LRMDA: variants seen among roughly 807,000 people sequenced by gnomAD.
The protein encoded by LRMDA is leucine rich melanocyte differentiation associated, also known as leucine-rich melanocyte differentiation-associated protein.
A neutral mutation model predicts 29.8 loss-of-function variants in LRMDA; 18 were observed. That is an observed-to-expected ratio of 0.60 (90% CI 0.42 to 0.90). The LOEUF is 0.90. Among genes scored for constraint, LRMDA ranks in the 40% least tolerant of loss-of-function variants. LRMDA has a pLI of 0.00. For missense variants in LRMDA, 273 were observed against 273.9 expected (o/e 1.00, Z 0.02); for synonymous variants, 125 against 109.4 (o/e 1.14, Z -0.89).
At chr10:76,060,443 A>C (rs1196435609) in intron 5 of LRMDA, among the ~76,000 whole-genome samples, 1 of 152,128 alleles carries the variant, frequency 6.6e-6, no homozygotes, top group African/African-American at 2.4e-5. Context: ...TCTAAAGTAG[A>C]AGGAAGGGGT....
intron 6 of LRMDA, among the ~76,000 whole-genome samples, chr10:76,478,565 A>T (rs1842702745): frequency 6.6e-6 from 1 of 152,286 alleles, no homozygotes; most frequent in East Asian, 1.9e-4. Context: ...CCAAAGGATT[A>T]TAAATGATGC....
chr10:76,493,928 C>G (rs569447830), intron 6 of LRMDA, among the ~76,000 whole-genome samples: 1 of 152,006 alleles, frequency 6.6e-6, no homozygotes, highest in South Asian at 2.1e-4. Flanking sequence ...ATAAATTGAT[C>G]CCTTAATTTC....
chr10:75,638,631 A>T (rs1841415902), intron 2 of LRMDA, among the ~76,000 whole-genome samples: 1 of 152,230 alleles, frequency 6.6e-6, no homozygotes, highest in Non-Finnish European at 1.5e-5. Flanking sequence ...AGCAATTTAT[A>T]ACTATGATCA....
intron 2 of LRMDA, among the ~76,000 whole-genome samples, chr10:75,566,777 T>A (rs1287183582): frequency 6.6e-6 from 1 of 152,192 alleles, no homozygotes; most frequent in Non-Finnish European, 1.5e-5. Context: ...AAGGTCCAGT[T>A]CCACTGTTTC....
At chr10:75,532,116 A>G (rs1845484843) in intron 2 of LRMDA, among the ~76,000 whole-genome samples, 1 of 151,368 alleles carries the variant, frequency 6.6e-6, no homozygotes, top group South Asian at 2.1e-4. Flanking sequence ...GTGTTTAAAA[A>G]TTTTCTTAAA....
At chr10:76,007,336 C>T (rs1370632032) in intron 2 of LRMDA, among the ~76,000 whole-genome samples, 1 of 151,696 alleles carries the variant, frequency 6.6e-6, no homozygotes, top group South Asian at 2.1e-4. Context: ...AAGCAGACAT[C>T]CTTTAGGAGA....
intron 2 of LRMDA, among the ~76,000 whole-genome samples, chr10:75,526,928 G>A (rs1199508069): frequency 6.6e-6 from 1 of 151,514 alleles, no homozygotes; most frequent in Non-Finnish European, 1.5e-5. Context: ...TAATTAATTA[G>A]CATTTAAAGC....
chr10:76,376,860 G>T (rs7921801), intron 6 of LRMDA, among the ~76,000 whole-genome samples: 95,097 of 95,348 alleles, frequency 1, 47,423 homozygotes, highest in Middle Eastern at 1. Context: ...TGGGCACTTG[G>T]AAGTCTTTTT....
intron 2 of LRMDA, among the ~76,000 whole-genome samples, chr10:75,896,319 T>C (rs1410152355): frequency 6.6e-6 from 1 of 152,240 alleles, no homozygotes; most frequent in Non-Finnish European, 1.5e-5. Flanking sequence ...AGGAAAACAG[T>C]ATTACCTAAC....
chr10:75,519,173 T>C (rs1027325371), intron 2 of LRMDA, among the ~76,000 whole-genome samples: 2 of 152,204 alleles, frequency 1.3e-5, no homozygotes, highest in Non-Finnish European at 2.9e-5. Context: ...GAAGAGTGTA[T>C]ATTCTGTTGA....
chr10:75,741,816 A>G (rs563065053), intron 2 of LRMDA, among the ~76,000 whole-genome samples: 35 of 152,200 alleles, frequency 2.3e-4, no homozygotes, highest in African/African-American at 7.9e-4. Flanking sequence ...ATGTCCCCCA[A>G]ATTTCTGTGT....
chr10:75,645,947 C>G (rs1841514695), intron 2 of LRMDA, among the ~76,000 whole-genome samples: 2 of 151,878 alleles, frequency 1.3e-5, no homozygotes, highest in South Asian at 2.1e-4. Flanking sequence ...CCATTTCACT[C>G]TTTTCCTTGT....
intron 5 of LRMDA, among the ~76,000 whole-genome samples, chr10:76,227,751 C>T (rs1291793564): frequency 6.6e-6 from 1 of 152,078 alleles, no homozygotes; most frequent in African/African-American, 2.4e-5. Context: ...GAAAGGGAGA[C>T]AGGTTGGTTT....
At chr10:76,449,720 T>C (rs543057577) in intron 6 of LRMDA, among the ~76,000 whole-genome samples, 28 of 152,096 alleles carry the variant, frequency 1.8e-4, no homozygotes, top group Middle Eastern at 3.4e-3. Flanking sequence ...ATTGTACTAG[T>C]GATAATCCTT....
At chr10:75,738,326 A>G (rs1158695930) in intron 2 of LRMDA, among the ~76,000 whole-genome samples, 1 of 152,104 alleles carries the variant, frequency 6.6e-6, no homozygotes, top group East Asian at 1.9e-4. Context: ...TTTCAGAGGA[A>G]TTGAGTCACA....
intron 2 of LRMDA, among the ~76,000 whole-genome samples, chr10:75,886,370 G>A (rs907613857): frequency 1.3e-5 from 2 of 152,112 alleles, no homozygotes; most frequent in African/African-American, 4.8e-5. Context: ...AGTCCTGTAT[G>A]GTAGGACCAC....
rs529283773 is a variant in LRMDA, at chr10:75,909,356, C to G, written c.132-126652C>G. On this transcript the variant is annotated intron_variant, in intron 2 of 6. Coordinates refer to ENST00000611255, the MANE Select transcript of LRMDA (RefSeq NM_001305581.2). ...CATACAACAGAAAAAATCTGAAGGG[C>G]CTTTAGTAGAAACAGGAGCCTCTAG... is the stretch of plus-strand genomic sequence containing the variant. 6.6e-5 allele frequency among the ~76,000 whole-genome samples: 10 copies of G among 152,170 alleles called. 1 individual carries two copies. In the South Asian group the frequency reaches 1.9e-3, roughly 28 times the overall value.
chr10:76,247,485 A>T (rs117774476), intron 5 of LRMDA, among the ~76,000 whole-genome samples: 1 of 152,190 alleles, frequency 6.6e-6, no homozygotes, highest in Non-Finnish European at 1.5e-5. Flanking sequence ...GAAAATAATT[A>T]TAGATCCTTT....
chr10:75,664,185 C>T (rs542686223), intron 2 of LRMDA, among the ~76,000 whole-genome samples: 2 of 152,204 alleles, frequency 1.3e-5, no homozygotes, highest in Admixed American at 6.5e-5. Context: ...GCTCCTCTTT[C>T]TCAACCAGTC....
Sources: allele counts gnomAD v4.1 joint callset (sites outside exome capture counted in the v4.1 genomes callset), GRCh38; gene constraint gnomAD v4.1.1; transcripts MANE v1.5; gene names NCBI Gene and HGNC (gene_info 2026-07-23, HGNC 2026-07-21).